The following ACLY variants were observed in gnomAD, a reference collection of about 807,000 sequenced individuals.
The protein encoded by ACLY is ATP-citrate synthase.
A neutral mutation model predicts 133.0 loss-of-function variants in ACLY; 41 were observed. That is an observed-to-expected ratio of 0.31 (90% CI 0.24 to 0.40). The LOEUF is 0.40. Among genes scored for constraint, ACLY ranks in the 10% least tolerant of loss-of-function variants. The probability of loss-of-function intolerance (pLI) is 1.00; values close to 1 mark genes in which losing one functional copy is unlikely to be tolerated. For synonymous variants in ACLY, 495 were observed against 549.3 expected (o/e 0.90, Z 1.38); for missense variants, 1,046 against 1,453.8 (o/e 0.72, Z 4.56).
At chr17:41,875,388 A>C (rs1217534095) in intron 22 of ACLY, among the ~76,000 whole-genome samples, 1 of 145,728 alleles carries the variant, frequency 6.9e-6, no homozygotes, top group Non-Finnish European at 1.5e-5. Context: ...TACGTGGCTA[A>C]AGAAATGGGG....
At chr17:41,876,523 T>C (rs2048763445) in intron 22 of ACLY, among the ~76,000 whole-genome samples, 1 of 152,248 alleles carries the variant, frequency 6.6e-6, no homozygotes, top group Non-Finnish European at 1.5e-5. Context: ...CGTGTCTGTG[T>C]AGAAAGAAGT....
intron 25 of ACLY, among the ~76,000 whole-genome samples, 155 bp downstream of exon 25, chr17:41,871,534 T>C (rs1015602536): frequency 2.6e-5 from 4 of 152,036 alleles, no homozygotes; most frequent in African/African-American, 7.2e-5. Flanking sequence ...TTTGTATTTT[T>C]AGTAGAGACG....
Position 41,913,875 on chromosome 17 carries a change from G to A in ACLY, c.-2C>T, listed in dbSNP as rs2049976093. ...CTCTGAAATTGCCTTGGCCGACATG[G>A]CTGCAGAGAGACCTGCTCTACCTGT... On this transcript the variant is annotated 5_prime_UTR_variant, in exon 2 of 29. Transcript: ENST00000352035. 3 of 1,614,190 alleles carry A rather than the reference G, an allele frequency of 1.9e-6. No individual in the cohort carries two copies. Among genetic ancestry groups the A allele is most frequent in the Non-Finnish European group, 2.5e-6 (3 of 1,180,018 alleles).
upstream of ACLY, among the ~76,000 whole-genome samples, chr17:41,921,281 G>T (rs2144451842): frequency 6.6e-6 from 1 of 152,128 alleles, no homozygotes; most frequent in Non-Finnish European, 1.5e-5. Flanking sequence ...CTGGGCCACA[G>T]AGTGAGACTC....
At chr17:41,894,128 A>G (rs2049293493) in intron 14 of ACLY, among the ~76,000 whole-genome samples, 1 of 151,496 alleles carries the variant, frequency 6.6e-6, no homozygotes, top group South Asian at 2.1e-4. Flanking sequence ...AGGCAGGGAG[A>G]ATCGCTCGAA....
chr17:41,880,918 T>C (rs1206583336), intron 20 of ACLY, among the ~76,000 whole-genome samples: 2 of 143,864 alleles, frequency 1.4e-5, no homozygotes, highest in Non-Finnish European at 3.0e-5. Flanking sequence ...ACCCCACCCA[T>C]GGGGCGATGA....
intron 10 of ACLY, among the ~76,000 whole-genome samples, chr17:41,903,133 A>G (rs1311014671): frequency 1.3e-5 from 2 of 152,102 alleles, no homozygotes; most frequent in African/African-American, 4.8e-5. Context: ...ACACTTATCT[A>G]GTCATTATTC....
chr17:41,875,607 G>T (rs1555625958), intron 22 of ACLY, among the ~76,000 whole-genome samples: 1 of 152,200 alleles, frequency 6.6e-6, no homozygotes, highest in South Asian at 2.1e-4. Flanking sequence ...ACGCCTGACT[G>T]GTTTTCGTAT....
chr17:41,906,381 C>T, intron 8 of ACLY, 147 bp downstream of exon 8: 1 of 673,004 alleles, frequency 1.5e-6, no homozygotes. Context: ...CCCTCACCAA[C>T]ATCCCTCGAA....
At chr17:41,917,201 T>C (rs1567917362) in intron 1 of ACLY, among the ~76,000 whole-genome samples, 1 of 149,780 alleles carries the variant, frequency 6.7e-6, no homozygotes, top group Non-Finnish European at 1.5e-5. Context: ...CAAATACCTA[T>C]CTGGGTTTGG....
At position 41,898,648 on chromosome 17, in the gene ACLY, C is replaced by A; in HGVS notation, c.1321G>T (p.Ala441Ser). 1 of 1,613,578 alleles carries A rather than the reference C, an allele frequency of 6.2e-7. No homozygotes were observed. The highest frequency in any genetic ancestry group is 1.3e-5 in the African/African-American group (1 of 75,036). The change falls in exon 12 of 29, where the codon GCC becomes TCC. Residue 441 changes from alanine to serine, a missense_variant. By Grantham distance (99) the Ala-to-Ser change is moderately conservative. Around this residue, in one of 4 missense-constraint regions of ACLY, gnomAD observed 575 missense variants for 804.2 expected, o/e 0.71. Coordinates refer to ENST00000352035, the MANE Select transcript of ACLY (RefSeq NM_001096.3). ...AAHTANFLLN[A>S]SGSTSTPAPS... ...GAACCTACCGATGTGCTCCCGCTGG[C>A]GTTGAGGAGGAAGTTTGCAGTGTGG...
At chr17:41,896,792 G>C (rs782687275) in intron 13 of ACLY, 143 bp from the exon 14 acceptor site, 9 of 652,190 alleles carry the variant, frequency 1.4e-5, no homozygotes, top group Non-Finnish European at 2.2e-5. Context: ...TTCTGCAATG[G>C]ACAACGGAGT....
intron 3 of ACLY, 42 bp from the exon 4 acceptor site, chr17:41,910,326 C>T (rs781843534): frequency 9.5e-6 from 15 of 1,579,006 alleles, no homozygotes; most frequent in Non-Finnish European, 1.3e-5. Flanking sequence ...AGGGACAGCA[C>T]GTCTTGCCCC....
intron 1 of ACLY, 30 bp from the exon 2 acceptor site, chr17:41,913,926 G>C (rs782638214): frequency 2.5e-5 from 41 of 1,609,156 alleles, no homozygotes; most frequent in Middle Eastern, 3.3e-4. Context: ...TGGTCAGAAG[G>C]GGGCAGGCGT....
rs1555632189 is a variant in ACLY at position 41,904,374 on chromosome 17, AGG to A, written c.1065+353_1065+354del. 406 of 188,080 alleles carry A rather than the reference AGG, an allele frequency of 2.2e-3. 8 individuals carry two copies. The highest frequency in any genetic ancestry group is 0.02 in the East Asian group (152 of 7,496). 11.7% of individuals were successfully genotyped at this position (188,080 alleles called of 1,614,324 possible). ...GGAAGAAGGAAGGGAAGGGAAGGGA[AGG>A]GAAGGGAAGGGAAAGGAAGAGAAGG... On this transcript the variant is annotated intron_variant, in intron 10 of 28. Coordinates refer to ENST00000352035, the MANE Select transcript of ACLY (RefSeq NM_001096.3).
In ACLY at chr17:41,884,236, T is replaced by G. The variant is rs782683248; in HGVS notation, c.2111A>C (p.Tyr704Ser). 1 of 1,612,966 alleles carries G rather than the reference T, an allele frequency of 6.2e-7. No homozygotes were observed. Among genetic ancestry groups the G allele is most frequent in the Non-Finnish European group, 8.5e-7 (1 of 1,178,960 alleles). The change falls in exon 19 of 29, where the codon TAT becomes TCT. Residue 704 changes from tyrosine to serine, a missense_variant. Transcript: ENST00000352035. ...GSTFMDHVLRYQDTPGVKMIV... is the reference protein window; with the variant it reads ...GSTFMDHVLRSQDTPGVKMIV... ...CATTTTGACTCCTGGAGTGTCCTGA[T>G]AGCGTAACACATGATCCATGAATGT...
chr17:41,924,221 T>C (rs553957409), intron 1 of ACLY, among the ~76,000 whole-genome samples: 7 of 152,184 alleles, frequency 4.6e-5, no homozygotes, highest in African/African-American at 1.4e-4. Context: ...CTCGGCTCAC[T>C]GCAACCTCCG....
intron 16 of ACLY, among the ~76,000 whole-genome samples, chr17:41,887,944 G>A (rs540919282): frequency 0.017 from 2,532 of 151,856 alleles, 81 homozygotes; most frequent in African/African-American, 0.058. Flanking sequence ...CCTGGCCAAC[G>A]TAGCAAAACC....
chr17:41,888,593 A>G (rs2049116229), intron 16 of ACLY, among the ~76,000 whole-genome samples: 1 of 152,206 alleles, frequency 6.6e-6, no homozygotes, highest in Admixed American at 6.5e-5. Flanking sequence ...GGGTCAAGAT[A>G]GTATTGTAGG....
Sources: allele counts gnomAD v4.1 joint callset (sites outside exome capture counted in the v4.1 genomes callset), GRCh38; gene constraint gnomAD v4.1.1; regional missense constraint gnomAD v4.1.1; transcripts MANE v1.5; gene names NCBI Gene and HGNC (gene_info 2026-07-23, HGNC 2026-07-21).